IL33: variants seen among roughly 807,000 people sequenced by gnomAD.
IL33 encodes the protein interleukin-33.
A neutral mutation model predicts 27.3 loss-of-function variants in IL33; 37 were observed. The observed-to-expected ratio is 1.36, with a 90% CI of 1.04 to 1.78. The LOEUF (loss-of-function observed/expected upper bound fraction) is 1.78, where lower values mean the gene tolerates loss of function less well. Ranked by LOEUF, IL33 falls within the 40% of genes most tolerant of loss-of-function variation. The pLI is 0.00. For missense variants in IL33, 406 were observed against 311.4 expected, an observed-to-expected ratio of 1.30 and a Z score of -2.29; for synonymous variants, 132 against 102.9, an observed-to-expected ratio of 1.28 and a Z score of -1.71.
In IL33 at chr9:6,256,806, AT is replaced by A. The variant is rs1816757869; in HGVS notation, c.*641del. On this transcript the variant is annotated 3_prime_UTR_variant, in exon 8 of 8. Transcript: ENST00000682010. ...GTGAAAAAGTAAAGATAACTAAAAA[AT>A]TTAGAAAAATAAATCCAGTATTTGT... 1 of 153,548 alleles carries A rather than the reference AT, an allele frequency of 6.5e-6. No individual in the cohort carries two copies. The highest frequency in any genetic ancestry group is 1.4e-5 in the Non-Finnish European group (1 of 68,980). 9.5% of individuals were successfully genotyped at this position (153,548 alleles called of 1,614,324 possible). A position where few individuals can be genotyped will look rare whatever the true frequency, so the allele number is the denominator to read the frequency against.
intron 1 of IL33, among the ~76,000 whole-genome samples, chr9:6,220,062 C>T (rs1207344309): frequency 6.6e-6 from 1 of 152,188 alleles, no homozygotes; most frequent in Non-Finnish European, 1.5e-5. Context: ...TTAAAACCTT[C>T]TGTCTATTTC....
chr9:6,242,963 G>A (rs904609765), intron 2 of IL33, among the ~76,000 whole-genome samples: 1 of 152,154 alleles, frequency 6.6e-6, no homozygotes, highest in African/African-American at 2.4e-5. Context: ...AGGGAGAACA[G>A]AAGCAGGAGA....
At chr9:6,236,277 A>G (rs1587632518) in intron 1 of IL33, among the ~76,000 whole-genome samples, 1 of 152,332 alleles carries the variant, frequency 6.6e-6, no homozygotes, top group East Asian at 1.9e-4. Flanking sequence ...TATTTGCAGT[A>G]TGATTCTATT....
chr9:6,220,327 G>C (rs1818355883), intron 1 of IL33, among the ~76,000 whole-genome samples: 1 of 152,116 alleles, frequency 6.6e-6, no homozygotes. Flanking sequence ...TTTTGCAATG[G>C]TAAGAATGTT....
At chr9:6,253,459 G>A (rs1364127771) in intron 5 of IL33, 93 bp from the exon 6 acceptor site, 7 of 807,456 alleles carry the variant, frequency 8.7e-6, no homozygotes, top group Non-Finnish European at 1.4e-5. Flanking sequence ...TATAATAAAA[G>A]GGGAGGATAT....
upstream of IL33, among the ~76,000 whole-genome samples, chr9:6,215,513 A>C (rs1338971083): frequency 6.6e-6 from 1 of 152,234 alleles, no homozygotes; most frequent in Admixed American, 6.5e-5. Flanking sequence ...ATGGCAACAG[A>C]ATTTCAAAAT....
At chr9:6,226,808 G>A (rs772038449) in intron 1 of IL33, among the ~76,000 whole-genome samples, 1 of 152,120 alleles carries the variant, frequency 6.6e-6, no homozygotes, top group African/African-American at 2.4e-5. Flanking sequence ...TGTTCCTTTT[G>A]TGGGTTCTCA....
In IL33 at chr9:6,254,542, C is replaced by T; in HGVS notation, c.601C>T (p.His201Tyr). 1.3e-6 allele frequency: 2 copies of T among 1,583,434 alleles called. No individual in the cohort carries two copies. The highest frequency in any genetic ancestry group is 1.2e-5 in the South Asian group (1 of 85,426). Reference protein sequence around the residue: ...DFWLHANNKEHSVELHKCEKP... With the variant: ...DFWLHANNKEYSVELHKCEKP... ...CTGGTTGCATGCCAACAACAAGGAA[C>T]ACTCTGTGGAGGTAAAAAAAAAAAA... Residue 201 changes from histidine to tyrosine, a missense_variant, in exon 7 of 8, where the codon CAC (histidine) becomes TAC (tyrosine). Coordinates refer to ENST00000682010, the MANE Select transcript of IL33 (RefSeq NM_033439.4).
chr9:6,245,462 T>C (rs931540351), intron 2 of IL33, among the ~76,000 whole-genome samples: 2 of 152,136 alleles, frequency 1.3e-5, no homozygotes, highest in African/African-American at 4.8e-5. Flanking sequence ...TAGGGAATCA[T>C]TGAAAATGTT....
chr9:6,250,672 G>A (rs896662218), intron 3 of IL33, 73 bp downstream of exon 3: 6 of 1,499,720 alleles, frequency 4.0e-6, no homozygotes, highest in Non-Finnish European at 5.4e-6. Flanking sequence ...ATCTAAATAT[G>A]CAATTATTTT....
chr9:6,252,909 C>A lies in IL33; in HGVS notation c.387C>A (p.Tyr129Ter). ...AGTATCTTGCTTCTCTAAGCACATA[C>A]AATGATCAATCCATTACTTTTGCTT... ...ITEYLASLST[Y>*]NDQSITFALE... is the part of the protein sequence containing the mutation. Residue 129 changes from tyrosine to a stop codon, truncating the protein, a stop_gained, in exon 5 of 8, where the codon TAC becomes TAA. Coordinates refer to ENST00000682010, the MANE Select transcript of IL33 (RefSeq NM_033439.4). LOFTEE classifies it high-confidence loss of function. 1 of 1,605,774 alleles carries A rather than the reference C, an allele frequency of 6.2e-7. No homozygotes were observed. The highest frequency in any genetic ancestry group is 1.1e-5 in the South Asian group (1 of 90,216).
rs1224461819 is a variant in IL33 at position 6,255,942 on chromosome 9, G to C, written c.613-26G>C. 3 of 1,597,256 alleles carry C rather than the reference G, an allele frequency of 1.9e-6. No homozygotes were observed. The Admixed American group carries it at 5.0e-5, about 27-fold the overall frequency. ...ACTCTGAACTTCCCATTCACATATG[G>C]ATTGCTTTCTCTCTTGTTTCCTCAG... On this transcript the variant is annotated intron_variant, in intron 7 of 7. Coordinates refer to ENST00000682010, the MANE Select transcript of IL33 (RefSeq NM_033439.4).
At chr9:6,220,289 C>T (rs1012214113) in intron 1 of IL33, among the ~76,000 whole-genome samples, 10 of 152,316 alleles carry the variant, frequency 6.6e-5, no homozygotes, top group South Asian at 6.2e-4. Context: ...TCATAATTTT[C>T]CCTAGCCATA....
intron 4 of IL33, among the ~76,000 whole-genome samples, chr9:6,251,548 A>C (rs915176930): frequency 2.0e-5 from 3 of 152,116 alleles, no homozygotes; most frequent in African/African-American, 7.2e-5. Context: ...AAAATATGTT[A>C]TCTTTTGGGA....
intron 1 of IL33, among the ~76,000 whole-genome samples, chr9:6,217,440 CT>C (rs1818194262): frequency 6.6e-6 from 1 of 152,150 alleles, no homozygotes; most frequent in Non-Finnish European, 1.5e-5. Flanking sequence ...CCAAAGTTAG[CT>C]TGGCCCAAGC....
At position 6,256,836 on chromosome 9, in the gene IL33, G is replaced by C. The variant is rs1372777435; in HGVS notation, c.*668G>C. 1 of 152,500 alleles carries C rather than the reference G, an allele frequency of 6.6e-6. No homozygotes were observed. The highest frequency in any genetic ancestry group is 2.4e-5 in the African/African-American group (1 of 41,452). The allele number at this position is 152,500 out of a possible 1,614,324, so 9.4% of individuals were successfully genotyped here. On this transcript the variant is annotated 3_prime_UTR_variant, in exon 8 of 8. Transcript: ENST00000682010. ...GAAAAATAAATCCAGTATTTGTAAA[G>C]TGAATAACTTCATTTCTAATTGTTT...
intron 7 of IL33, among the ~76,000 whole-genome samples, chr9:6,255,511 T>A (rs7037534): frequency 0.02 from 3,040 of 152,250 alleles, 103 homozygotes; most frequent in African/African-American, 0.068. Flanking sequence ...ATTGGTCAAC[T>A]GTTGCTATGT....
chr9:6,254,561 A>G lies in IL33; in HGVS notation c.612+8A>G, dbSNP rs752575840. On this transcript the variant is annotated splice_region_variant and intron_variant, in intron 7 of 7. Transcript: ENST00000682010. ...AAGGAACACTCTGTGGAGGTAAAAA[A>G]AAAAAATTTATCTATATCTATATAT... 251 of 1,536,340 alleles carry G rather than the reference A, an allele frequency of 1.6e-4. 1 individual carries two copies. The South Asian group carries it at 3.0e-3, about 19-fold the overall frequency.
chr9:6,236,698 T>C (rs1005273943), intron 1 of IL33, among the ~76,000 whole-genome samples: 6 of 122,668 alleles, frequency 4.9e-5, no homozygotes, highest in Admixed American at 2.9e-4. Context: ...TGAAACCCCA[T>C]CTCTATAAAA....
Sources: allele counts gnomAD v4.1 joint callset (sites outside exome capture counted in the v4.1 genomes callset), GRCh38; gene constraint gnomAD v4.1.1; transcripts MANE v1.5; gene names NCBI Gene and HGNC (gene_info 2026-07-23, HGNC 2026-07-21).